Variants in C3orf49 observed in about 807,000 individuals in gnomAD.
C3orf49 encodes the protein putative uncharacterized protein C3orf49.
Under a neutral mutation model 13.3 loss-of-function variants are expected in C3orf49, and 27 were observed. The observed-to-expected ratio is 2.02, with a 90% CI of 1.49 to 2.79. C3orf49 has a LOEUF of 2.79. Ranked by LOEUF, C3orf49 falls within the 30% of genes most tolerant of loss-of-function variation. The probability of loss-of-function intolerance (pLI) is 0.00; values close to 1 mark genes in which losing one functional copy is unlikely to be tolerated. For missense variants in C3orf49, 242 were observed against 134.2 expected (o/e 1.80, Z -3.97); for synonymous variants, 87 against 47.6 (o/e 1.83, Z -3.40).
At chr3:63,792,050 G>A in the C3orf49 span, among the ~76,000 whole-genome samples, 3 of 152,208 alleles carry the variant, frequency 2.0e-5, no homozygotes, top group South Asian at 2.1e-4. Context: ...TTGCCAGAAT[G>A]TATACATTTG....
At chr3:63,805,685 A>T in the C3orf49 span, among the ~76,000 whole-genome samples, 11 of 152,302 alleles carry the variant, frequency 7.2e-5, no homozygotes, top group South Asian at 2.1e-3. Context: ...TAACTTACAA[A>T]CCCACATCTT....
At chr3:63,801,534 A>C in the C3orf49 span, among the ~76,000 whole-genome samples, 1 of 152,188 alleles carries the variant, frequency 6.6e-6, no homozygotes, top group Non-Finnish European at 1.5e-5. Context: ...TAAATGAATA[A>C]TTCTCAACAC....
At chr3:63,791,258 C>T in the C3orf49 span, among the ~76,000 whole-genome samples, 1 of 152,152 alleles carries the variant, frequency 6.6e-6, no homozygotes, top group Admixed American at 6.5e-5. Context: ...TTGGAGAAGG[C>T]TGAAATAATT....
chr3:63,843,505 G>A (rs1701813973), intron 5 of C3orf49, among the ~76,000 whole-genome samples: 1 of 152,168 alleles, frequency 6.6e-6, no homozygotes, highest in African/African-American at 2.4e-5. Context: ...AATAAAATCA[G>A]TATGTCAAAG....
At chr3:63,815,982 C>T (rs1232975674), upstream of C3orf49, among the ~76,000 whole-genome samples, 3 of 151,606 alleles carry the variant, frequency 2.0e-5, no homozygotes, top group Non-Finnish European at 4.4e-5. Context: ...GACGGGGTTT[C>T]ACCGTGTTGG....
intron 5 of C3orf49, among the ~76,000 whole-genome samples, chr3:63,842,103 G>A (rs1471054756): frequency 6.6e-6 from 1 of 152,062 alleles, no homozygotes; most frequent in Non-Finnish European, 1.5e-5. Context: ...TTGATGCTGT[G>A]GTTTGAATGT....
At chr3:63,836,426 T>C in intron 5 of C3orf49, 1 of 1,455,434 alleles carries the variant, frequency 6.9e-7, no homozygotes, top group Non-Finnish European at 9.6e-7. Context: ...ACAAAATGTG[T>C]AATATCACAA....
intron 1 of C3orf49, among the ~76,000 whole-genome samples, chr3:63,822,949 G>T (rs1241400699): frequency 6.6e-6 from 1 of 152,144 alleles, no homozygotes; most frequent in African/African-American, 2.4e-5. Context: ...TCAGCCCTTG[G>T]TCAATTAATT....
At chr3:63,827,447 A>G (rs1701477671) in intron 2 of C3orf49, 154 bp from the exon 3 acceptor site, 2 of 557,292 alleles carry the variant, frequency 3.6e-6, no homozygotes, top group Admixed American at 3.0e-5. Flanking sequence ...TAAGATTGGG[A>G]AGAGCAAATC....
the C3orf49 span, among the ~76,000 whole-genome samples, chr3:63,797,996 A>G: frequency 4.6e-5 from 7 of 152,198 alleles, no homozygotes; most frequent in Non-Finnish European, 1.0e-4. Context: ...TATTAGATCA[A>G]TCTTACAGGG....
At chr3:63,833,842 A>G in intron 5 of C3orf49, 1 of 262,356 alleles carries the variant, frequency 3.8e-6, no homozygotes, top group Non-Finnish European at 7.1e-6. Flanking sequence ...GTTAAAAACT[A>G]CCTAGAATAT....
At chr3:63,823,832 G>A (rs1235002528) in intron 2 of C3orf49, among the ~76,000 whole-genome samples, 3 of 131,564 alleles carry the variant, frequency 2.3e-5, no homozygotes, top group Admixed American at 7.9e-5. Flanking sequence ...ATGGAATCTC[G>A]CTCTATCACC....
chr3:63,845,056 G>A lies in C3orf49; in HGVS notation c.*4G>A, dbSNP rs1341566259. ...AAAAGGACCTGGAGACAGCTGACCT[G>A]AGACTCCTTGAGGAACACAGGAAAA... is the stretch of plus-strand genomic sequence containing the variant. On this transcript the variant is annotated 3_prime_UTR_variant, in exon 6 of 7. Coordinates refer to ENST00000295896, the MANE Select transcript of C3orf49 (RefSeq NM_001355236.2). 7.1e-6 allele frequency: 5 copies of A among 699,834 alleles called. No homozygotes were observed. In the Admixed American group the frequency reaches 1.0e-4, roughly 14 times the overall value. 43.4% of individuals were successfully genotyped at this position (699,834 alleles called of 1,614,324 possible).
chr3:63,835,354 A>C, intron 5 of C3orf49: 3 of 1,613,608 alleles, frequency 1.9e-6, no homozygotes, highest in Non-Finnish European at 2.5e-6. Flanking sequence ...TAATGTGTGA[A>C]AGATGCTCTA....
At chr3:63,789,132 C>T in the C3orf49 span, among the ~76,000 whole-genome samples, 2 of 152,100 alleles carry the variant, frequency 1.3e-5, no homozygotes, top group Non-Finnish European at 2.9e-5. Flanking sequence ...CTGAGCTCTG[C>T]CTTTTGTCAG....
chr3:63,807,929 AAAG>A, the C3orf49 span, among the ~76,000 whole-genome samples: 12 of 151,768 alleles, frequency 7.9e-5, no homozygotes, highest in East Asian at 2.3e-3. Context: ...AAGGGAAAGA[AAAG>A]AAAAGAAAAA....
chr3:63,845,150 C>T lies in C3orf49; in HGVS notation c.*30+68C>T. 4 of 624,104 alleles carry T rather than the reference C, an allele frequency of 6.4e-6. No homozygotes were observed. The South Asian group carries it at 7.5e-5, about 12-fold the overall frequency. The allele number at this position is 624,104 out of a possible 1,614,324, so 38.7% of individuals were successfully genotyped here. ...CTTCATGTAGCCCTGAGGGTTAAGTCCCCCTCAGATCTGAGCTCTGCTCTC... is the reference window on the plus strand; with the variant it reads ...CTTCATGTAGCCCTGAGGGTTAAGTTCCCCTCAGATCTGAGCTCTGCTCTC... On this transcript the variant is annotated intron_variant, in intron 6 of 6. Coordinates refer to ENST00000295896, the MANE Select transcript of C3orf49 (RefSeq NM_001355236.2).
the C3orf49 span, among the ~76,000 whole-genome samples, chr3:63,806,935 TGAATAA>T: frequency 2.0e-5 from 3 of 152,300 alleles, no homozygotes; most frequent in Non-Finnish European, 2.9e-5. Flanking sequence ...ATTTGATAAC[TGAATAA>T]GAATACCTCA....
the C3orf49 span, among the ~76,000 whole-genome samples, chr3:63,799,691 A>T: frequency 6.6e-6 from 1 of 152,208 alleles, no homozygotes; most frequent in African/African-American, 2.4e-5. Context: ...ATGTTTAATT[A>T]TAATGAGAGA....
Sources: allele counts gnomAD v4.1 joint callset (sites outside exome capture counted in the v4.1 genomes callset), GRCh38; gene constraint gnomAD v4.1.1; transcripts MANE v1.5; gene names NCBI Gene and HGNC (gene_info 2026-07-23, HGNC 2026-07-21).